Variants in STAU1 observed in about 807,000 individuals in gnomAD.
The protein encoded by STAU1 is double-stranded RNA-binding protein Staufen homolog 1.
A neutral mutation model predicts 62.9 loss-of-function variants in STAU1; 13 were observed. That is an observed-to-expected ratio of 0.21 (90% confidence interval 0.13 to 0.33). The LOEUF (loss-of-function observed/expected upper bound fraction) is 0.33, where lower values mean the gene tolerates loss of function less well. Ranked by LOEUF, STAU1 falls within the 10% of genes least tolerant of loss-of-function variation. The probability of loss-of-function intolerance (pLI) is 1.00; values close to 1 mark genes in which losing one functional copy is unlikely to be tolerated. For synonymous variants in STAU1, 269 were observed against 265.1 expected, an observed-to-expected ratio of 1.01 and a Z score of -0.14; for missense variants, 571 against 712.1, an observed-to-expected ratio of 0.80 and a Z score of 2.25.
At chr20:49,128,778 A>C (rs1324350334) in intron 6 of STAU1, among the ~76,000 whole-genome samples, 1 of 150,810 alleles carries the variant, frequency 6.6e-6, no homozygotes, top group East Asian at 1.9e-4. Flanking sequence ...AAATCCAAAA[A>C]AAAAAAAAAA....
Position 49,140,556 on chromosome 20 carries a change from A to T in STAU1, c.511-4625T>A, listed in dbSNP as rs189227077. On this transcript the variant is annotated intron_variant, in intron 5 of 13. Coordinates refer to ENST00000371856, the MANE Select transcript of STAU1 (RefSeq NM_017453.4). Reference sequence around the variant, plus strand: ...CAGTAAGTAACATAAGCCACACATTAAAAAAAAAATCCATTTTTATGAAGT... The same window carrying T: ...CAGTAAGTAACATAAGCCACACATTTAAAAAAAAATCCATTTTTATGAAGT... Among the ~76,000 whole-genome samples the T allele has an allele frequency of 4.1e-3, 612 of 148,200 alleles. 2 individuals are homozygous for T. The highest frequency in any genetic ancestry group is 6.8e-3 in the Non-Finnish European group (450 of 66,278).
chr20:49,150,718 C>T (rs1204519848), intron 5 of STAU1, among the ~76,000 whole-genome samples: 1 of 152,040 alleles, frequency 6.6e-6, no homozygotes, highest in Non-Finnish European at 1.5e-5. Flanking sequence ...AATCTGGGCT[C>T]CATGACTGCT....
At chr20:49,121,773 C>A (rs976806656) in intron 8 of STAU1, among the ~76,000 whole-genome samples, 2 of 152,184 alleles carry the variant, frequency 1.3e-5, no homozygotes, top group Non-Finnish European at 2.9e-5. Context: ...ACATATTCAG[C>A]TCATTCCACC....
In STAU1 at chr20:49,147,662, G is replaced by A. The variant is rs112738374; in HGVS notation, c.510+3920C>T. On this transcript the variant is annotated intron_variant, in intron 5 of 13. Transcript: ENST00000371856. ...CTTTAACTGCAACGATGTTCTTCCC[G>A]ACCCATTTTATAAGAGGGAAAATGC... 4.4e-3 allele frequency among the ~76,000 whole-genome samples: 670 copies of A among 152,226 alleles called. 6 individuals carry two copies. Among genetic ancestry groups the A allele is most frequent in the African/African-American group, 0.015 (631 of 41,528 alleles).
At position 49,117,368 on chromosome 20, in the gene STAU1, T is replaced by C. The variant is rs564114143; in HGVS notation, c.1510-120A>G. On this transcript the variant is annotated intron_variant, in intron 11 of 13. Transcript: ENST00000371856. The surrounding 1 kb of genome is among the most constrained non-coding windows in gnomAD (Gnocchi z 4.6). ...GCTCTTTTTTCCAACTCAGCCCCAC[T>C]GTGGCCATACTAACACCTGCCCTGT... 4.0e-5 allele frequency: 52 copies of C among 1,299,388 alleles called. No individual in the cohort carries two copies. The African/African-American group carries it at 6.3e-4, about 16-fold the overall frequency. 80.5% of individuals were successfully genotyped at this position (1,299,388 alleles called of 1,614,324 possible).
chr20:49,135,886 T>C lies in STAU1; in HGVS notation c.556A>G (p.Ile186Val). Residue 186 changes from isoleucine to valine, a missense_variant, in exon 6 of 14, where the codon ATA (isoleucine) becomes GTA (valine). Physicochemically the swap from Ile to Val is conservative, Grantham distance 29. This residue lies in a region of STAU1 where 414 missense variants were observed against 499.6 expected (regional missense o/e 0.83). Coordinates refer to ENST00000371856, the MANE Select transcript of STAU1 (RefSeq NM_017453.4). ...AGTGCAATCTCAAACACTTGACTTATTTCAGATTTATTGAGATTTTCTTCT... is the reference window on the plus strand; with the variant it reads ...AGTGCAATCTCAAACACTTGACTTACTTCAGATTTATTGAGATTTTCTTCT... Reference protein sequence around the residue: ...SEEENLNKSEISQVFEIALKR... With the variant: ...SEEENLNKSEVSQVFEIALKR... 1.9e-6 allele frequency: 3 copies of C among 1,614,052 alleles called. No homozygotes were observed. The highest frequency in any genetic ancestry group is 2.2e-5 in the East Asian group (1 of 44,878).
At chr20:49,192,987 ATAGT>A (rs1309927301), upstream of STAU1, among the ~76,000 whole-genome samples, 2 of 152,202 alleles carry the variant, frequency 1.3e-5, no homozygotes, top group African/African-American at 4.8e-5. Flanking sequence ...ACCAATTAAA[ATAGT>A]TAGATGCTAG....
At chr20:49,192,084 C>T (rs1481902343), upstream of STAU1, among the ~76,000 whole-genome samples, 2 of 150,316 alleles carry the variant, frequency 1.3e-5, no homozygotes, top group Admixed American at 6.6e-5. Context: ...CGGTGGTTCA[C>T]GCCTGTAATC....
chr20:49,122,918 AAAAT>A (rs3091755), intron 8 of STAU1, among the ~76,000 whole-genome samples, 170 bp downstream of exon 8: 4,110 of 148,508 alleles, frequency 0.028, 104 homozygotes, highest in East Asian at 0.067. Context: ...CTCCATCTCA[AAAAT>A]AAATAAATAA....
Position 49,125,214 on chromosome 20 carries a change from A to AAAAAAAAAAAAAAAAAAAAC in STAU1, c.610-628_610-627insGTTTTTTTTTTTTTTTTTTT, listed in dbSNP as rs1568832413. Among the ~76,000 whole-genome samples the AAAAAAAAAAAAAAAAAAAAC allele has an allele frequency of 1.4e-4, 21 of 146,140 alleles. 1 individual carries two copies. The highest frequency in any genetic ancestry group is 4.8e-4 in the African/African-American group (19 of 39,792). On this transcript the variant is annotated intron_variant, in intron 6 of 13. Transcript: ENST00000371856. ...TCATTTTTGCAAAAAAAAAAAAAAA[A>AAAAAAAAAAAAAAAAAAAAC]AAAAAAAAAACGAAGGATAAAAAAA...
upstream of STAU1, chr20:49,188,405 C>A (rs1229320077): frequency 6.6e-6 from 1 of 151,428 alleles, no homozygotes; most frequent in Non-Finnish European, 1.5e-5. Flanking sequence ...CGGCCCCCGC[C>A]CGCCTCCAGG....
At chr20:49,146,167 G>C (rs535534718) in intron 5 of STAU1, among the ~76,000 whole-genome samples, 2 of 152,108 alleles carry the variant, frequency 1.3e-5, no homozygotes, top group African/African-American at 4.8e-5. Flanking sequence ...TTGGGAGGCT[G>C]AGGTGGAAGG....
At chr20:49,171,458 G>T (rs1463149517) in intron 2 of STAU1, among the ~76,000 whole-genome samples, 1 of 152,124 alleles carries the variant, frequency 6.6e-6, no homozygotes, top group East Asian at 1.9e-4. Flanking sequence ...ACCACGCCCG[G>T]CTAATTTTTT....
In STAU1 at chr20:49,166,146, T is replaced by G; in HGVS notation, c.56A>C (p.Gln19Pro). ...AAGAGACTGGTTCTTGTTCAGTATT[T>G]GGCTCCCTGAGAGAGCAGCAGATGG... ...QNPSAALSGS[Q>P]ILNKNQSLLS... Residue 19 changes from glutamine to proline, a missense_variant, in exon 3 of 14, where the codon CAA becomes CCA. Coordinates refer to ENST00000371856, the MANE Select transcript of STAU1 (RefSeq NM_017453.4). 1 of 1,614,184 alleles carries G rather than the reference T, an allele frequency of 6.2e-7. No individual in the cohort carries two copies. Among genetic ancestry groups the G allele is most frequent in the Non-Finnish European group, 8.5e-7 (1 of 1,180,036 alleles).
intron 1 of STAU1, among the ~76,000 whole-genome samples, chr20:49,181,551 G>A (rs1568942360): frequency 6.6e-6 from 1 of 151,962 alleles, no homozygotes; most frequent in Non-Finnish European, 1.5e-5. Flanking sequence ...GATTGCCTGA[G>A]CTCAGGAGTT....
chr20:49,154,521 T>C (rs1042696242), intron 3 of STAU1, among the ~76,000 whole-genome samples: 2 of 152,250 alleles, frequency 1.3e-5, no homozygotes, highest in African/African-American at 2.4e-5. Context: ...TATTGAACGA[T>C]GCATTTATTA....
At chr20:49,156,693 T>C (rs1022627534) in intron 3 of STAU1, among the ~76,000 whole-genome samples, 1 of 152,176 alleles carries the variant, frequency 6.6e-6, no homozygotes, top group African/African-American at 2.4e-5. Context: ...AAGTGTGAGC[T>C]CTCAAATTCA....
At chr20:49,147,697 A>G (rs1193153953) in intron 5 of STAU1, among the ~76,000 whole-genome samples, 1 of 152,252 alleles carries the variant, frequency 6.6e-6, no homozygotes, top group East Asian at 1.9e-4. Context: ...CAAACAACCT[A>G]AATAATCAAG....
chr20:49,180,148 A>G (rs1263387408), intron 1 of STAU1, among the ~76,000 whole-genome samples: 2 of 152,246 alleles, frequency 1.3e-5, no homozygotes, highest in African/African-American at 4.8e-5. Flanking sequence ...AATACTCCCA[A>G]CAGTATTAGC....
Sources: gnomAD v4.1 joint callset for allele counts (sites outside exome capture counted in the v4.1 genomes callset) on GRCh38, gnomAD v4.1.1 for gene constraint, gnomAD v4.1.1 regional missense constraint, Gnocchi (gnomAD v3.1) non-coding constraint, MANE v1.5 for transcripts, NCBI Gene and HGNC (gene_info 2026-07-23, HGNC 2026-07-21) for gene names.